Variants in DAB1 observed in about 807,000 individuals in gnomAD.
The protein encoded by DAB1 is disabled homolog 1.
Under a neutral mutation model 64.6 loss-of-function variants are expected in DAB1, and 15 were observed. That is an observed-to-expected ratio of 0.23 (90% CI 0.16 to 0.36). The LOEUF is 0.36. Ranked by LOEUF, DAB1 falls within the 10% of genes least tolerant of loss-of-function variation. The pLI is 1.00. For missense variants in DAB1, 596 were observed against 706.7 expected, an observed-to-expected ratio of 0.84 and a Z score of 1.78; for synonymous variants, 235 against 251.9, an observed-to-expected ratio of 0.93 and a Z score of 0.64.
At chr1:58,300,701 G>A (rs1557726441) in intron 4 of DAB1, among the ~76,000 whole-genome samples, 1 of 142,846 alleles carries the variant, frequency 7.0e-6, no homozygotes, top group Non-Finnish European at 1.5e-5. Flanking sequence ...AGGAAGGAAG[G>A]AAGGAAGGAA....
At chr1:58,044,745 G>C (rs1458354074) in intron 5 of DAB1, among the ~76,000 whole-genome samples, 1 of 152,128 alleles carries the variant, frequency 6.6e-6, no homozygotes. Context: ...TTAGGGATAA[G>C]AGTAATATTT....
intron 1 of DAB1, among the ~76,000 whole-genome samples, chr1:57,338,384 A>G (rs1303132294): frequency 6.6e-6 from 1 of 152,104 alleles, no homozygotes; most frequent in African/African-American, 2.4e-5. Context: ...CCTTAACATA[A>G]TAAGGAACAC....
chr1:58,057,715 G>A (rs1006212849), intron 5 of DAB1, among the ~76,000 whole-genome samples: 2 of 152,182 alleles, frequency 1.3e-5, no homozygotes, highest in Non-Finnish European at 2.9e-5. Flanking sequence ...GAAACTGCAA[G>A]AGAATAAATT....
At chr1:58,428,551 C>T (rs1444787055) in intron 3 of DAB1, among the ~76,000 whole-genome samples, 1 of 152,146 alleles carries the variant, frequency 6.6e-6, no homozygotes, top group Non-Finnish European at 1.5e-5. Context: ...TCAAACCATA[C>T]CACTGACTAG....
At chr1:57,195,076 G>A (rs1238457817) in intron 2 of DAB1, among the ~76,000 whole-genome samples, 2 of 152,342 alleles carry the variant, frequency 1.3e-5, no homozygotes, top group East Asian at 3.9e-4. Flanking sequence ...TCAATAGGAT[G>A]TGTGAGCATA....
intron 1 of DAB1, among the ~76,000 whole-genome samples, chr1:57,393,214 AG>A (rs1052715817): frequency 6.6e-6 from 1 of 152,160 alleles, no homozygotes; most frequent in African/African-American, 2.4e-5. Context: ...CCTAACTCAT[AG>A]GGGTGTTATG....
At chr1:58,077,534 G>A (rs1052538732) in intron 5 of DAB1, among the ~76,000 whole-genome samples, 2 of 152,184 alleles carry the variant, frequency 1.3e-5, no homozygotes, top group African/African-American at 4.8e-5. Flanking sequence ...AGAAACACCA[G>A]CAGAACAAAG....
chr1:57,403,319 A>T (rs1570457676), intron 1 of DAB1, among the ~76,000 whole-genome samples: 1 of 152,190 alleles, frequency 6.6e-6, no homozygotes, highest in African/African-American at 2.4e-5. Flanking sequence ...GGTGGCCATC[A>T]GTGCCACTGC....
intron 5 of DAB1, among the ~76,000 whole-genome samples, chr1:58,105,871 C>G (rs1022288151): frequency 1.3e-5 from 2 of 152,198 alleles, no homozygotes; most frequent in Non-Finnish European, 2.9e-5. Context: ...AGCACTTTTC[C>G]TCTCCATTCA....
chr1:57,536,763 C>T (rs1188543374), intron 7 of DAB1, among the ~76,000 whole-genome samples: 3 of 152,160 alleles, frequency 2.0e-5, no homozygotes, highest in Non-Finnish European at 2.9e-5. Flanking sequence ...CTTACCTCTC[C>T]CTTTCTGCTG....
intron 6 of DAB1, among the ~76,000 whole-genome samples, chr1:57,799,268 C>T (rs1651012946): frequency 6.6e-6 from 1 of 152,212 alleles, no homozygotes; most frequent in Non-Finnish European, 1.5e-5. Context: ...CTCAGCCCCA[C>T]AGCTGTGAAT....
chr1:58,075,928 TTC>T (rs78789912), intron 5 of DAB1, among the ~76,000 whole-genome samples: 3 of 149,734 alleles, frequency 2.0e-5, no homozygotes, highest in Non-Finnish European at 4.5e-5. Flanking sequence ...TTACAAGTCT[TTC>T]TCTCTCTCTC....
chr1:57,957,506 G>T (rs1192693846), intron 5 of DAB1, among the ~76,000 whole-genome samples: 1 of 152,148 alleles, frequency 6.6e-6, no homozygotes, highest in East Asian at 1.9e-4. Context: ...ATATTAAAAA[G>T]GTTATTGGAT....
chr1:57,623,186 G>A (rs1433092669), intron 7 of DAB1, among the ~76,000 whole-genome samples: 2 of 152,156 alleles, frequency 1.3e-5, no homozygotes, highest in Non-Finnish European at 1.5e-5. Flanking sequence ...GCAGGGGGCC[G>A]GCAGAGCTGA....
chr1:57,517,577 T>C (rs1241958461), intron 7 of DAB1, among the ~76,000 whole-genome samples: 2 of 152,250 alleles, frequency 1.3e-5, no homozygotes, highest in Admixed American at 6.5e-5. Flanking sequence ...TTTTAGACCC[T>C]ACTGTTTCCT....
intron 11 of DAB1, among the ~76,000 whole-genome samples, chr1:57,017,614 C>T (rs946854460): frequency 7.2e-5 from 11 of 152,212 alleles, no homozygotes; most frequent in African/African-American, 2.4e-4. Flanking sequence ...CAACAGGACA[C>T]CTGGGCTTCT....
At chr1:57,774,486 T>G (rs891119247) in intron 6 of DAB1, among the ~76,000 whole-genome samples, 10 of 151,820 alleles carry the variant, frequency 6.6e-5, no homozygotes, top group Non-Finnish European at 1.2e-4. Context: ...ATGATGAAAG[T>G]GATCCTGATC....
At chr1:57,219,022 C>T (rs1666657322) in intron 2 of DAB1, among the ~76,000 whole-genome samples, 2 of 152,126 alleles carry the variant, frequency 1.3e-5, no homozygotes, top group South Asian at 2.1e-4. Flanking sequence ...ATAATCTAAG[C>T]AAACCACACT....
At chr1:57,542,676 C>T (rs142155588) in intron 7 of DAB1, among the ~76,000 whole-genome samples, 20 of 152,036 alleles carry the variant, frequency 1.3e-4, no homozygotes, top group Non-Finnish European at 2.4e-4. Flanking sequence ...TAAGGATGCT[C>T]AGTTTTTCAT....
Sources: gnomAD v4.1 joint callset for allele counts (sites outside exome capture counted in the v4.1 genomes callset) on GRCh38, gnomAD v4.1.1 for gene constraint, MANE v1.5 for transcripts, NCBI Gene and HGNC (gene_info 2026-07-23, HGNC 2026-07-21) for gene names.